Variants in OTOG observed in about 807,000 individuals in gnomAD.
OTOG encodes the protein otogelin.
In OTOG, 296 loss-of-function variants were observed where a neutral mutation model predicts 313.8. The observed-to-expected ratio is 0.94, with a 90% confidence interval of 0.86 to 1.04. OTOG has a LOEUF of 1.04. OTOG is among the 50% of genes least tolerant of loss of function. The probability of loss-of-function intolerance (pLI) is 0.00; values close to 1 mark genes in which losing one functional copy is unlikely to be tolerated. For synonymous variants in OTOG, 1,533 were observed against 1,554.9 expected, an observed-to-expected ratio of 0.99 and a Z score of 0.33; for missense variants, 3,948 against 3,840.1, an observed-to-expected ratio of 1.03 and a Z score of -0.74.
chr11:17,569,298 G>C lies in OTOG; in HGVS notation c.1777+10G>C. 4 of 1,550,436 alleles carry C rather than the reference G, an allele frequency of 2.6e-6. No homozygotes were observed. The highest frequency in any genetic ancestry group is 2.6e-6 in the Non-Finnish European group (3 of 1,146,902). The stretch of plus-strand genomic sequence containing the variant: ...CCGCCATACACAGATGGTACGGTTT[G>C]GGGTGGACAACAGACCTAGTTGGGA... On this transcript the variant is annotated intron_variant, in intron 16 of 55. Transcript: ENST00000399397.
chr11:17,600,521 G>A (rs562496157), intron 31 of OTOG, among the ~76,000 whole-genome samples: 3 of 152,214 alleles, frequency 2.0e-5, no homozygotes, highest in Non-Finnish European at 4.4e-5. Context: ...ATTTTGGCTT[G>A]ACTGTGGTGG....
At chr11:17,580,019 G>C (rs1400724027) in intron 23 of OTOG, among the ~76,000 whole-genome samples, 1 of 152,210 alleles carries the variant, frequency 6.6e-6, no homozygotes, top group Non-Finnish European at 1.5e-5. Flanking sequence ...TCCTCTTGCT[G>C]GGATAGGGCT....
chr11:17,610,764 C>T lies in OTOG; in HGVS notation c.5464C>T (p.Pro1822Ser). 2 of 1,550,034 alleles carry T rather than the reference C, an allele frequency of 1.3e-6. No individual in the cohort carries two copies. Among genetic ancestry groups the T allele is most frequent in the South Asian group, 1.2e-5 (1 of 84,062 alleles). Residue 1822 changes from proline to serine, a missense_variant, in exon 36 of 56, where the codon CCC becomes TCC. Physicochemically the swap from Pro to Ser is moderately conservative, Grantham distance 74 (BLOSUM62 -1). Coordinates refer to ENST00000399397, the MANE Select transcript of OTOG (RefSeq NM_001292063.2). The stretch of plus-strand genomic sequence containing the variant: ...GGGCACATCTGCCCCAGTGGCCACA[C>T]CCGGCCCCAAAGCCTCTGTCATCAC... ...KVGTSAPVATPGPKASVITTP... is the reference protein window; with the variant it reads ...KVGTSAPVATSGPKASVITTP...
intron 7 of OTOG, among the ~76,000 whole-genome samples, chr11:17,556,334 G>T (rs1852057364): frequency 6.6e-6 from 1 of 152,314 alleles, no homozygotes; most frequent in East Asian, 1.9e-4. Context: ...ATGCTTGGAG[G>T]ACCACCAGAG....
intron 38 of OTOG, among the ~76,000 whole-genome samples, chr11:17,613,196 T>TTTCC (rs1853617373): frequency 1.6e-4 from 1 of 6,370 alleles, no homozygotes. Flanking sequence ...CTTTCTTTCT[T>TTTCC]TTCTTTCTTT....
chr11:17,578,988 C>A (rs1411855264), intron 23 of OTOG, among the ~76,000 whole-genome samples: 1 of 152,236 alleles, frequency 6.6e-6, no homozygotes, highest in East Asian at 1.9e-4. Flanking sequence ...GAAGACCCCA[C>A]CCAGAGAAAA....
chr11:17,575,498 G>C (rs539078221), intron 20 of OTOG, among the ~76,000 whole-genome samples: 2 of 152,324 alleles, frequency 1.3e-5, no homozygotes, highest in South Asian at 4.1e-4. Flanking sequence ...TCCAGGAAGA[G>C]GGGGTGGCTC....
In OTOG at chr11:17,596,957, A is replaced by G; in HGVS notation, c.3632A>G (p.Gln1211Arg). The change falls in exon 30 of 56, where the codon CAG becomes CGG. Residue 1211 changes from glutamine (Q) to arginine (R), a missense_variant. By Grantham distance (43) the Gln-to-Arg change is conservative (BLOSUM62 1). Coordinates refer to ENST00000399397, the MANE Select transcript of OTOG (RefSeq NM_001292063.2). ...FCASVSAYAH[Q>R]CCQHGVAVDW... ...GCCAGCGTCTCCGCTTATGCCCACCAGTGTTGCCAGCATGGGGTGGCTGTT... is the reference window on the plus strand; with the variant it reads ...GCCAGCGTCTCCGCTTATGCCCACCGGTGTTGCCAGCATGGGGTGGCTGTT... 6.4e-7 allele frequency: 1 copy of G among 1,550,578 alleles called. No homozygotes were observed. The highest frequency in any genetic ancestry group is 1.7e-4 in the Middle Eastern group (1 of 5,986).
At chr11:17,558,751 C>T in intron 10 of OTOG, 107 bp downstream of exon 10, 1 of 1,190,778 alleles carries the variant, frequency 8.4e-7, no homozygotes. Context: ...GATCTGCTTC[C>T]CAAGGCTCTG....
intron 36 of OTOG, among the ~76,000 whole-genome samples, chr11:17,611,789 T>C (rs1489374315): frequency 1.3e-5 from 2 of 151,308 alleles, no homozygotes; most frequent in Non-Finnish European, 2.9e-5. Flanking sequence ...CATCCTCATG[T>C]GCATCTTTGT....
chr11:17,624,042 T>C (rs1853924919), intron 39 of OTOG, among the ~76,000 whole-genome samples: 1 of 152,252 alleles, frequency 6.6e-6, no homozygotes, highest in Admixed American at 6.5e-5. Flanking sequence ...TCCTTATAGA[T>C]ACTGGATGTA....
In OTOG at chr11:17,606,078, C is replaced by G. The variant is rs1303477775; in HGVS notation, c.4099C>G (p.Leu1367Val). The G allele has an allele frequency of 6.5e-7, 1 of 1,550,086 alleles. No homozygotes were observed. The highest frequency in any genetic ancestry group is 2.0e-5 in the Admixed American group (1 of 50,980). The change falls in exon 33 of 56, where the codon CTG (leucine) becomes GTG (valine). Residue 1367 changes from leucine (L) to valine (V), a missense_variant. Transcript: ENST00000399397. ...FLYVSGAVLA[L>V]RLYEHTEVFR... ...CTATGTGTCGGGCGCGGTGCTGGCC[C>G]TGCGGCTGTACGAACACACAGAGGT...
rs888514817 is a variant in OTOG, at chr11:17,632,268, T to C, written c.7072+42T>C. 29 of 1,522,642 alleles carry C rather than the reference T, an allele frequency of 1.9e-5. No homozygotes were observed. In the African/African-American group the frequency reaches 3.6e-4, roughly 19 times the overall value. 94.3% of individuals were successfully genotyped at this position (1,522,642 alleles called of 1,614,324 possible). On this transcript the variant is annotated intron_variant, in intron 42 of 55. Transcript: ENST00000399397. ...GGGGGACCCTCCATTGTGACTATTGTTCCCATCCCCTGTTAAAGTGGGAAA... is the reference window on the plus strand; with the variant it reads ...GGGGGACCCTCCATTGTGACTATTGCTCCCATCCCCTGTTAAAGTGGGAAA...
chr11:17,547,516 C>G (rs1243586082), intron 1 of OTOG, 50 bp downstream of exon 1: 21 of 1,308,296 alleles, frequency 1.6e-5, no homozygotes, highest in Non-Finnish European at 2.0e-5. Context: ...GAATGAGAAA[C>G]GTTAAAGGAA....
At chr11:17,583,032 A>AT in intron 23 of OTOG, among the ~76,000 whole-genome samples, 1 of 151,620 alleles carries the variant, frequency 6.6e-6, no homozygotes, top group East Asian at 1.9e-4. Context: ...CTAATTTATC[A>AT]TTTTTTTCTT....
At chr11:17,552,720 C>T (rs1314106269) in intron 4 of OTOG, among the ~76,000 whole-genome samples, 3 of 151,620 alleles carry the variant, frequency 2.0e-5, no homozygotes, top group East Asian at 3.9e-4. Context: ...TGGTTACCCC[C>T]GTGGCTTCTT....
In OTOG at chr11:17,555,891, G is replaced by T. The variant is rs1336379948; in HGVS notation, c.653G>T (p.Gly218Val). Residue 218 changes from glycine to valine, a missense_variant, in exon 7 of 56, where the codon GGC (glycine) becomes GTC (valine). Gly to Val is a moderately radical substitution (Grantham distance 109). Coordinates refer to ENST00000399397, the MANE Select transcript of OTOG (RefSeq NM_001292063.2). ...CTGGCCAAGGAGGTCACCCATGGAGGCATGAGGTAACTCTAACACCTTCCA... is the reference window on the plus strand; with the variant it reads ...CTGGCCAAGGAGGTCACCCATGGAGTCATGAGGTAACTCTAACACCTTCCA... ...IHLAKEVTHGGMRVQLPHVMG... is the reference protein window; with the variant it reads ...IHLAKEVTHGVMRVQLPHVMG... 1.9e-6 allele frequency: 3 copies of T among 1,550,240 alleles called. No individual in the cohort carries two copies. The highest frequency in any genetic ancestry group is 3.9e-5 in the Admixed American group (2 of 51,012).
rs1443198394 is a variant in OTOG, at chr11:17,610,155, G to A, written c.4855G>A (p.Ala1619Thr). Residue 1619 changes from alanine (A) to threonine (T), a missense_variant, in exon 36 of 56, where the codon GCT becomes ACT. Physicochemically the swap from Ala to Thr is moderately conservative, Grantham distance 58. Transcript: ENST00000399397. ...PAPRFPLMTKAVTVRGHGSLP... is the reference protein window; with the variant it reads ...PAPRFPLMTKTVTVRGHGSLP... Reference sequence around the variant, plus strand: ...CCCTCGCTTCCCGCTCATGACCAAGGCTGTGACAGTCCGAGGCCATGGCTC... The same window carrying A: ...CCCTCGCTTCCCGCTCATGACCAAGACTGTGACAGTCCGAGGCCATGGCTC... 4 of 1,550,474 alleles carry A rather than the reference G, an allele frequency of 2.6e-6. No homozygotes were observed. The African/African-American group carries it at 5.5e-5, about 21-fold the overall frequency.
chr11:17,562,046 A>AATATATATAT (rs375919593), intron 15 of OTOG, among the ~76,000 whole-genome samples: 1 of 139,840 alleles, frequency 7.2e-6, no homozygotes, highest in African/African-American at 2.7e-5. Context: ...CTAAAAAAAA[A>AATATATATAT]ATATATATAT....
Sources: gnomAD v4.1 joint callset for allele counts (sites outside exome capture counted in the v4.1 genomes callset) on GRCh38, gnomAD v4.1.1 for gene constraint, MANE v1.5 for transcripts, NCBI Gene and HGNC (gene_info 2026-07-23, HGNC 2026-07-21) for gene names.